The following GABRB1 variants were observed in gnomAD, a reference collection of about 807,000 sequenced individuals.
GABRB1 encodes gamma-aminobutyric acid type A receptor subunit beta1, also known as gamma-aminobutyric acid receptor subunit beta-1.
Under a neutral mutation model 51.6 loss-of-function variants are expected in GABRB1, and 17 were observed. The observed-to-expected ratio is 0.33, with a 90% CI of 0.23 to 0.49. GABRB1 has a LOEUF of 0.49. Ranked by LOEUF, GABRB1 falls within the 20% of genes least tolerant of loss-of-function variation. The pLI, the probability that GABRB1 is intolerant of heterozygous loss-of-function variation, is 0.99. For synonymous variants in GABRB1, 247 were observed against 218.9 expected, an observed-to-expected ratio of 1.13 and a Z score of -1.14; for missense variants, 410 against 600.6, an observed-to-expected ratio of 0.68 and a Z score of 3.32.
At chr4:47,100,478 T>C (rs1010495593) in intron 3 of GABRB1, among the ~76,000 whole-genome samples, 1 of 152,032 alleles carries the variant, frequency 6.6e-6, no homozygotes, top group African/African-American at 2.4e-5. Context: ...TTACTGTATA[T>C]ACAACTAATT....
At chr4:47,270,086 CT>C (rs1722805477) in intron 4 of GABRB1, among the ~76,000 whole-genome samples, 1 of 152,088 alleles carries the variant, frequency 6.6e-6, no homozygotes, top group Non-Finnish European at 1.5e-5. Context: ...TCCAGTTCGC[CT>C]TTGGATTCTT....
intron 4 of GABRB1, among the ~76,000 whole-genome samples, chr4:47,271,072 G>T (rs994752738): frequency 6.6e-6 from 1 of 151,992 alleles, no homozygotes. Flanking sequence ...AGTTATCTCT[G>T]ATAATATTTT....
intron 3 of GABRB1, among the ~76,000 whole-genome samples, chr4:47,127,460 T>C (rs1716204841): frequency 6.6e-6 from 1 of 151,842 alleles, no homozygotes; most frequent in Non-Finnish European, 1.5e-5. Flanking sequence ...CCTATGGGAA[T>C]GAACTTAAAA....
upstream of GABRB1, among the ~76,000 whole-genome samples, chr4:47,028,910 T>C (rs1451399049): frequency 6.7e-6 from 1 of 150,124 alleles, no homozygotes; most frequent in African/African-American, 2.4e-5. Flanking sequence ...ATAATATATC[T>C]TTTGGGTTTT....
At chr4:47,177,564 G>A (rs1293389472) in intron 4 of GABRB1, among the ~76,000 whole-genome samples, 1 of 151,954 alleles carries the variant, frequency 6.6e-6, no homozygotes, top group Non-Finnish European at 1.5e-5. Flanking sequence ...AAGAAATTTT[G>A]CTGCATAACT....
chr4:47,046,540 C>A (rs1477468253), intron 3 of GABRB1, among the ~76,000 whole-genome samples: 1 of 151,804 alleles, frequency 6.6e-6, no homozygotes, highest in Non-Finnish European at 1.5e-5. Flanking sequence ...CATAATTGAC[C>A]ACTAATGGCA....
intron 3 of GABRB1, among the ~76,000 whole-genome samples, chr4:47,076,362 A>G (rs1330244293): frequency 1.3e-5 from 2 of 152,334 alleles, no homozygotes; most frequent in Non-Finnish European, 1.5e-5. Context: ...GATATACAGC[A>G]GCTCAGACTA....
intron 4 of GABRB1, among the ~76,000 whole-genome samples, chr4:47,222,961 G>A (rs1720817357): frequency 6.6e-6 from 1 of 151,968 alleles, no homozygotes; most frequent in Non-Finnish European, 1.5e-5. Flanking sequence ...AGTAGCATGA[G>A]TACTTAAGAA....
At chr4:47,277,430 A>G (rs1185077988) in intron 4 of GABRB1, among the ~76,000 whole-genome samples, 1 of 152,014 alleles carries the variant, frequency 6.6e-6, no homozygotes, top group Non-Finnish European at 1.5e-5. Flanking sequence ...GAAAGAATGA[A>G]TAAGACCTAC....
At chr4:47,133,750 C>A (rs990205678) in intron 3 of GABRB1, among the ~76,000 whole-genome samples, 1 of 152,130 alleles carries the variant, frequency 6.6e-6, no homozygotes, top group African/African-American at 2.4e-5. Flanking sequence ...TCACTGCATC[C>A]CATTTGAAGG....
chr4:47,165,372 T>C (rs1718138065), intron 4 of GABRB1, among the ~76,000 whole-genome samples: 1 of 152,010 alleles, frequency 6.6e-6, no homozygotes, highest in South Asian at 2.1e-4. Context: ...GAGCACCAGT[T>C]TTCTCACAGC....
intron 4 of GABRB1, among the ~76,000 whole-genome samples, chr4:47,235,066 A>G (rs1248727254): frequency 6.6e-6 from 1 of 151,962 alleles, no homozygotes; most frequent in Non-Finnish European, 1.5e-5. Context: ...CCCCACTTAT[A>G]CCCTTCCTTA....
intron 4 of GABRB1, among the ~76,000 whole-genome samples, chr4:47,237,506 G>A (rs756182493): frequency 2.0e-5 from 3 of 152,040 alleles, no homozygotes; most frequent in Non-Finnish European, 2.9e-5. Context: ...CATTCTGACT[G>A]AGGAAAATGG....
At chr4:47,298,037 A>G (rs1724081293) in intron 4 of GABRB1, among the ~76,000 whole-genome samples, 2 of 152,242 alleles carry the variant, frequency 1.3e-5, no homozygotes, top group Admixed American at 6.5e-5. Flanking sequence ...ACAAAATTCA[A>G]CAACGCTTCA....
chr4:47,044,919 G>T (rs572883160), intron 3 of GABRB1, among the ~76,000 whole-genome samples: 2 of 151,856 alleles, frequency 1.3e-5, no homozygotes, highest in Non-Finnish European at 2.9e-5. Flanking sequence ...GCAGAACCAC[G>T]TTACCACTCA....
Position 47,339,541 on chromosome 4 carries a change from ATGTGTGTGTGTG to A in GABRB1, c.544+19350_544+19361del, listed in dbSNP as rs34390361. ...CATATTTATGTGTGTATGTGTGCAT[ATGTGTGTGTGTG>A]TGTGTGTGTGTGTGTGTAATGCTTT... On this transcript the variant is annotated intron_variant, in intron 5 of 8. Transcript: ENST00000295454. Among the ~76,000 whole-genome samples the A allele has an allele frequency of 3.4e-5, 5 of 148,362 alleles. No homozygotes were observed. In the South Asian group the frequency reaches 6.5e-4, roughly 19 times the overall value.
chr4:47,112,620 A>T (rs1271887217), intron 3 of GABRB1, among the ~76,000 whole-genome samples: 1 of 152,232 alleles, frequency 6.6e-6, no homozygotes, highest in African/African-American at 2.4e-5. Context: ...TAGAAAGTGC[A>T]TAGAGCCTGT....
At chr4:47,200,098 A>T (rs755827919) in intron 4 of GABRB1, among the ~76,000 whole-genome samples, 1 of 152,186 alleles carries the variant, frequency 6.6e-6, no homozygotes, top group Non-Finnish European at 1.5e-5. Context: ...CTGAGCATAG[A>T]ATTGAAGCTG....
chr4:47,068,180 G>A (rs1213501025), intron 3 of GABRB1, among the ~76,000 whole-genome samples: 2 of 152,152 alleles, frequency 1.3e-5, no homozygotes, highest in Non-Finnish European at 2.9e-5. Flanking sequence ...TGAAAGAATT[G>A]AAGATAGTTA....
Sources: gnomAD v4.1 joint callset for allele counts (sites outside exome capture counted in the v4.1 genomes callset) on GRCh38, gnomAD v4.1.1 for gene constraint, MANE v1.5 for transcripts, NCBI Gene and HGNC (gene_info 2026-07-23, HGNC 2026-07-21) for gene names.